The following GEM variants were observed in gnomAD, a reference collection of about 807,000 sequenced individuals.
The protein encoded by GEM is GTP binding protein overexpressed in skeletal muscle.
Under a neutral mutation model 33.0 loss-of-function variants are expected in GEM, and 31 were observed. The ratio of observed to expected loss-of-function variants is 0.94; its 90% CI spans 0.71 to 1.27. GEM has a LOEUF of 1.27. GEM is among the 50% of genes most tolerant of loss of function. The pLI is 0.00. For synonymous variants in GEM, 141 were observed against 143.7 expected (o/e 0.98, Z 0.13); for missense variants, 354 against 390.5 (o/e 0.91, Z 0.79).
At position 94,251,884 on chromosome 8, in the gene GEM, C is replaced by T. The variant is rs976117309; in HGVS notation, c.613+135G>A. ...ACTGGGACTGTAGGAGTCTGAGAAA[C>T]ACACCTAAAATTTCATATAGCATCT... is the stretch of plus-strand genomic sequence containing the variant. On this transcript the variant is annotated intron_variant, in intron 4 of 4. Coordinates refer to ENST00000297596, the MANE Select transcript of GEM (RefSeq NM_005261.4). 8.8e-6 allele frequency: 6 copies of T among 685,352 alleles called. No individual in the cohort carries two copies. In the African/African-American group the frequency reaches 8.8e-5, roughly 10 times the overall value. The allele number at this position is 685,352 out of a possible 1,614,324, so 42.5% of individuals were successfully genotyped here. A position where few individuals can be genotyped will look rare whatever the true frequency, so the allele number is the denominator to read the frequency against.
chr8:94,260,262 A>G lies in GEM; in HGVS notation c.242T>C (p.Ile81Thr), dbSNP rs1197965766. ...SGNTYYRVVLIGEQGVGKSTL... is the reference protein window; with the variant it reads ...SGNTYYRVVLTGEQGVGKSTL... ...GGACTTGCCCACCCCCTGCTCCCCT[A>G]TGAGCACCACTCGGTAGTAGGTGTT... Residue 81 changes from isoleucine to threonine, a missense_variant, in exon 2 of 5, where the codon ATA becomes ACA. By Grantham distance (89) the Ile-to-Thr change is moderately conservative. Coordinates refer to ENST00000297596, the MANE Select transcript of GEM (RefSeq NM_005261.4). 16 of 1,613,188 alleles carry G rather than the reference A, an allele frequency of 9.9e-6. No individual in the cohort carries two copies. Among genetic ancestry groups the G allele is most frequent in the Admixed American group, 3.3e-5 (2 of 59,994 alleles).
chr8:94,257,640 CAGA>C (rs1477228688), intron 2 of GEM, among the ~76,000 whole-genome samples: 3 of 152,280 alleles, frequency 2.0e-5, no homozygotes, highest in Non-Finnish European at 2.9e-5. Context: ...AGCATCTCCG[CAGA>C]AGAAGCCCCA....
At chr8:94,253,953 T>G (rs1010865673) in intron 2 of GEM, among the ~76,000 whole-genome samples, 6 of 152,140 alleles carry the variant, frequency 3.9e-5, no homozygotes, top group Non-Finnish European at 7.4e-5. Flanking sequence ...CACAATGAGG[T>G]TTCCTGTTTT....
At chr8:94,250,655 G>T (rs1415733220) in intron 4 of GEM, 68 bp from the exon 5 acceptor site, 2 of 1,367,664 alleles carry the variant, frequency 1.5e-6, no homozygotes, top group Non-Finnish European at 2.0e-6. Context: ...AGTCAAGCTG[G>T]ATGGTTCTTC....
chr8:94,258,053 G>T (rs1808933758), intron 2 of GEM, among the ~76,000 whole-genome samples: 1 of 151,998 alleles, frequency 6.6e-6, no homozygotes, highest in Non-Finnish European at 1.5e-5. Flanking sequence ...TCAGCCATAT[G>T]CCTGATGCCC....
At chr8:94,250,666 G>A (rs1327441681) in intron 4 of GEM, 79 bp from the exon 5 acceptor site, 16 of 1,204,606 alleles carry the variant, frequency 1.3e-5, no homozygotes, top group South Asian at 4.5e-5. Context: ...ATGGTTCTTC[G>A]AGGTAACACT....
Position 94,260,567 on chromosome 8 carries a change from G to A in GEM, c.-9-55C>T, listed in dbSNP as rs775292472. 5.5e-4 allele frequency: 520 copies of A among 952,276 alleles called. 1 individual carries two copies. Among genetic ancestry groups the A allele is most frequent in the Middle Eastern group, 3.7e-3 (16 of 4,360 alleles). 59.0% of individuals were successfully genotyped at this position (952,276 alleles called of 1,614,324 possible). On this transcript the variant is annotated intron_variant, in intron 1 of 4. Coordinates refer to ENST00000297596, the MANE Select transcript of GEM (RefSeq NM_005261.4). Reference sequence around the variant, plus strand: ...ATTAGTAAGCATGAGTGAGAGCTCCGCTCAAATACATGGTCAGTCATCAGT... The same window carrying A: ...ATTAGTAAGCATGAGTGAGAGCTCCACTCAAATACATGGTCAGTCATCAGT...
chr8:94,253,934 C>T (rs189168458), intron 2 of GEM, among the ~76,000 whole-genome samples: 1 of 152,346 alleles, frequency 6.6e-6, no homozygotes, highest in East Asian at 1.9e-4. Flanking sequence ...CCCATCCCCA[C>T]TCTATTTTCA....
rs11995765 is a variant in GEM at position 94,253,624 on chromosome 8, A to C, written c.332-512T>G. Among the ~76,000 whole-genome samples, 168 of 151,460 alleles carry C rather than the reference A, an allele frequency of 1.1e-3. 1 individual carries two copies. Among genetic ancestry groups the C allele is most frequent in the African/African-American group, 3.9e-3 (160 of 41,376 alleles). ...GACAAGTGCAAGAATGAATCTTGAG[A>C]CTCTCCCTGTTTTGGCTGTAGTTTT... On this transcript the variant is annotated intron_variant, in intron 2 of 4. Coordinates refer to ENST00000297596, the MANE Select transcript of GEM (RefSeq NM_005261.4).
In GEM at chr8:94,250,389, C is replaced by T; in HGVS notation, c.812G>A (p.Gly271Asp). The change falls in exon 5 of 5, where the codon GGC becomes GAC. Residue 271 changes from glycine to aspartate, a missense_variant. Coordinates refer to ENST00000297596, the MANE Select transcript of GEM (RefSeq NM_005261.4). The stretch of plus-strand genomic sequence containing the variant: ...CTTGTTGTTTTTGGCCACGATCTTG[C>T]CCCAGAAGCGCCTGGCTTTCCTGGG... ...SMPRKARRFWGKIVAKNNKNM... is the reference protein window; with the variant it reads ...SMPRKARRFWDKIVAKNNKNM... 3 of 1,614,088 alleles carry T rather than the reference C, an allele frequency of 1.9e-6. No individual in the cohort carries two copies. The highest frequency in any genetic ancestry group is 1.7e-6 in the Non-Finnish European group (2 of 1,179,936).
rs565640244 is a variant in GEM, at chr8:94,250,215, C to G, written c.*95G>C. On this transcript the variant is annotated 3_prime_UTR_variant, in exon 5 of 5. Transcript: ENST00000297596. ...AGCTCCCTGCTACAATGGGGGAAAC[C>G]ACATCTAACTTAAGTATTCAATCTA... 2 of 1,021,070 alleles carry G rather than the reference C, an allele frequency of 2.0e-6. No homozygotes were observed. Among genetic ancestry groups the G allele is most frequent in the East Asian group, 2.4e-5 (1 of 41,342 alleles). The allele number at this position is 1,021,070 out of a possible 1,614,324, so 63.3% of individuals were successfully genotyped here.
chr8:94,250,527 T>G lies in GEM; in HGVS notation c.674A>C (p.Gln225Pro). 1 of 1,613,942 alleles carries G rather than the reference T, an allele frequency of 6.2e-7. No individual in the cohort carries two copies. Among genetic ancestry groups the G allele is most frequent in the Non-Finnish European group, 8.5e-7 (1 of 1,179,770 alleles). The stretch of plus-strand genomic sequence containing the variant: ...CTCAAACAGCTCCTTCACGTTGTGC[T>G]GGACAGCTGCAGAGGTCTCGATGAA... ...CKFIETSAAVQHNVKELFEGI... is the reference protein window; with the variant it reads ...CKFIETSAAVPHNVKELFEGI... Residue 225 changes from glutamine to proline, a missense_variant, in exon 5 of 5, where the codon CAG becomes CCG. Coordinates refer to ENST00000297596, the MANE Select transcript of GEM (RefSeq NM_005261.4).
In GEM at chr8:94,250,591, G is replaced by C; in HGVS notation, c.614-4C>G. 1 of 1,609,388 alleles carries C rather than the reference G, an allele frequency of 6.2e-7. No individual in the cohort carries two copies. The highest frequency in any genetic ancestry group is 8.5e-7 in the Non-Finnish European group (1 of 1,176,690). ...ACCACTGCACAGGCTCTCCCTTCTG[G>C]GAAGGAAAGAAAGAGGTCAGAGGGA... On this transcript the variant is annotated splice_region_variant and splice_polypyrimidine_tract_variant and intron_variant, in intron 4 of 4. Coordinates refer to ENST00000297596, the MANE Select transcript of GEM (RefSeq NM_005261.4).
intron 4 of GEM, 66 bp from the exon 5 acceptor site, chr8:94,250,653 T>C: frequency 1.5e-6 from 2 of 1,376,426 alleles, no homozygotes; most frequent in Non-Finnish European, 2.0e-6. Flanking sequence ...ACAGTCAAGC[T>C]GGATGGTTCT....
Position 94,252,100 on chromosome 8 carries a change from C to A in GEM, c.532G>T (p.Ala178Ser). The A allele has an allele frequency of 6.2e-7, 1 of 1,614,112 alleles. No homozygotes were observed. Among genetic ancestry groups the A allele is most frequent in the South Asian group, 1.1e-5 (1 of 91,072 alleles). ...ATGGGAATGTCCTCTGTCTGCCGGG[C>A]CCTGCGGAGCTGGATTCGCAGCTCA... is the stretch of plus-strand genomic sequence containing the variant. ...ASELRIQLRR[A>S]RQTEDIPIIL... The change falls in exon 4 of 5, where the codon GCC becomes TCC. Residue 178 changes from alanine (A) to serine (S), a missense_variant. Transcript: ENST00000297596.
chr8:94,255,741 T>C (rs2129764786), intron 2 of GEM, among the ~76,000 whole-genome samples: 1 of 152,362 alleles, frequency 6.6e-6, no homozygotes, highest in African/African-American at 2.4e-5. Context: ...GATTAGTCTC[T>C]GTGAGGCTTT....
Position 94,256,317 on chromosome 8 carries a change from C to T in GEM, c.332-3205G>A, listed in dbSNP as rs988535256. ...CTCCCACCTGCTCCTTGGCTAAGTG[C>T]CCACTTGTTCTTCTTGTACTTGGAA... is the stretch of plus-strand genomic sequence containing the variant. On this transcript the variant is annotated intron_variant, in intron 2 of 4. Transcript: ENST00000297596. Among the ~76,000 whole-genome samples the T allele has an allele frequency of 7.2e-5, 11 of 152,132 alleles. 1 individual carries two copies. Among genetic ancestry groups the T allele is most frequent in the South Asian group, 4.1e-4 (2 of 4,822 alleles).
At chr8:94,257,529 G>A (rs1028262950) in intron 2 of GEM, among the ~76,000 whole-genome samples, 3 of 152,160 alleles carry the variant, frequency 2.0e-5, no homozygotes, top group Admixed American at 6.6e-5. Flanking sequence ...TTTTCGCCTC[G>A]GAATTCCCAC....
At chr8:94,260,872 G>A in intron 1 of GEM, 1 of 183,384 alleles carries the variant, frequency 5.5e-6, no homozygotes, top group Admixed American at 5.6e-5. Flanking sequence ...AGAACCAGCA[G>A]ACTCCAAAGA....
Sources: allele counts gnomAD v4.1 joint callset (sites outside exome capture counted in the v4.1 genomes callset), GRCh38; gene constraint gnomAD v4.1.1; transcripts MANE v1.5; gene names NCBI Gene and HGNC (gene_info 2026-07-23, HGNC 2026-07-21).